RSPO3: variants seen among roughly 807,000 people sequenced by gnomAD.
The protein encoded by RSPO3 is R-spondin 3, also known as R-spondin-3.
Under a neutral mutation model 36.5 loss-of-function variants are expected in RSPO3, and 17 were observed. The ratio of observed to expected loss-of-function variants is 0.47; its 90% CI spans 0.32 to 0.70. RSPO3 has a LOEUF of 0.70. Ranked by LOEUF, RSPO3 falls within the 30% of genes least tolerant of loss-of-function variation. RSPO3 has a pLI of 0.04. For synonymous variants in RSPO3, 108 were observed against 107.0 expected (o/e 1.01, Z -0.06); for missense variants, 294 against 322.5 (o/e 0.91, Z 0.68).
At chr6:127,144,219 A>G (rs1012955538) in intron 1 of RSPO3, among the ~76,000 whole-genome samples, 3 of 152,158 alleles carry the variant, frequency 2.0e-5, no homozygotes, top group African/African-American at 7.2e-5. Context: ...TTCACTGTGT[A>G]TGTGACACAT....
At chr6:127,161,475 G>GT (rs1774709418) in intron 4 of RSPO3, among the ~76,000 whole-genome samples, 1 of 152,068 alleles carries the variant, frequency 6.6e-6, no homozygotes, top group South Asian at 2.1e-4. Context: ...TTCAGACCAA[G>GT]TTTGCTCCAT....
chr6:127,147,469 T>C (rs1433422182), intron 1 of RSPO3, among the ~76,000 whole-genome samples: 1 of 152,152 alleles, frequency 6.6e-6, no homozygotes, highest in Admixed American at 6.6e-5. Context: ...TGGTTTTTTT[T>C]TCTTCTGGCA....
intron 1 of RSPO3, among the ~76,000 whole-genome samples, chr6:127,120,644 T>G (rs1026657057): frequency 3.9e-5 from 6 of 152,336 alleles, no homozygotes; most frequent in African/African-American, 1.4e-4. Context: ...CCCCTGGGCA[T>G]GAGGGTCCCC....
In RSPO3 at chr6:127,166,575, G is replaced by A. The variant is rs370071976; in HGVS notation, c.634+11137G>A. ...CTACATTACAAAGTTGTAGTGAGGAGTTATGAGTATGTATAAAACTTTCAG... is the reference window on the plus strand; with the variant it reads ...CTACATTACAAAGTTGTAGTGAGGAATTATGAGTATGTATAAAACTTTCAG... On this transcript the variant is annotated intron_variant, in intron 4 of 4. Transcript: ENST00000356698. 1.3e-4 allele frequency among the ~76,000 whole-genome samples: 20 copies of A among 152,106 alleles called. No individual in the cohort carries two copies. In the South Asian group the frequency reaches 3.9e-3, roughly 30 times the overall value.
intron 4 of RSPO3, among the ~76,000 whole-genome samples, chr6:127,168,099 A>C (rs564481616): frequency 6.6e-6 from 1 of 152,104 alleles, no homozygotes; most frequent in African/African-American, 2.4e-5. Flanking sequence ...ATGATGTATA[A>C]TCCTTTGGGT....
intron 4 of RSPO3, among the ~76,000 whole-genome samples, chr6:127,176,815 T>A (rs1470360859): frequency 6.6e-6 from 1 of 151,812 alleles, no homozygotes; most frequent in Non-Finnish European, 1.5e-5. Flanking sequence ...TGTTGCAAAA[T>A]ATTGAGGAAA....
intron 3 of RSPO3, among the ~76,000 whole-genome samples, chr6:127,155,038 T>G (rs1373350884): frequency 6.6e-6 from 1 of 152,200 alleles, no homozygotes; most frequent in Non-Finnish European, 1.5e-5. Flanking sequence ...TGAGTTTACC[T>G]GATAATGAGT....
intron 4 of RSPO3, among the ~76,000 whole-genome samples, chr6:127,184,887 G>A (rs1213815812): frequency 6.6e-6 from 1 of 151,696 alleles, no homozygotes; most frequent in Non-Finnish European, 1.5e-5. Context: ...CATCAGTGGT[G>A]GAAAGGGACC....
chr6:127,155,165 G>A (rs1774567479), intron 3 of RSPO3, 76 bp from the exon 4 acceptor site: 1 of 1,450,520 alleles, frequency 6.9e-7, no homozygotes, highest in Non-Finnish European at 9.6e-7. Flanking sequence ...TCTGATGGAA[G>A]CAAATCTTTT....
intron 4 of RSPO3, among the ~76,000 whole-genome samples, chr6:127,175,854 T>C (rs1355824414): frequency 6.6e-6 from 1 of 151,802 alleles, no homozygotes; most frequent in East Asian, 1.9e-4. Flanking sequence ...CCAAATTTTC[T>C]AATACCAGTA....
intron 2 of RSPO3, 124 bp downstream of exon 2, chr6:127,148,963 G>C: frequency 1.3e-6 from 1 of 786,668 alleles, no homozygotes. Flanking sequence ...TGATAATTAG[G>C]CTAAACCATA....
At chr6:127,121,821 CAT>C (rs1206136116) in intron 1 of RSPO3, among the ~76,000 whole-genome samples, 5 of 152,168 alleles carry the variant, frequency 3.3e-5, no homozygotes, top group South Asian at 2.1e-4. Flanking sequence ...AAAATGAAAA[CAT>C]GTGGTCAAAC....
chr6:127,177,440 C>T (rs1367957731), intron 4 of RSPO3, among the ~76,000 whole-genome samples: 2 of 151,736 alleles, frequency 1.3e-5, no homozygotes, highest in African/African-American at 4.8e-5. Flanking sequence ...CATGTTTGAC[C>T]CTGAGACAGC....
At position 127,196,874 on chromosome 6, in the gene RSPO3, T is replaced by C. The variant is rs573557038; in HGVS notation, c.*867T>C. The C allele has an allele frequency of 6.5e-6, 1 of 152,916 alleles. No individual in the cohort carries two copies. The highest frequency in any genetic ancestry group is 2.4e-5 in the African/African-American group (1 of 41,556). The allele number at this position is 152,916 out of a possible 1,614,324, so 9.5% of individuals were successfully genotyped here. A position where few individuals can be genotyped will look rare whatever the true frequency, so the allele number is the denominator to read the frequency against. On this transcript the variant is annotated 3_prime_UTR_variant, in exon 5 of 5. Transcript: ENST00000356698. ...GAAAAAAAATAGAGCAAGGAGAATA[T>C]AACATGTTTGCAAAGTCATGTGTTT...
At position 127,160,428 on chromosome 6, in the gene RSPO3, G is replaced by C. The variant is rs144526620; in HGVS notation, c.634+4990G>C. Among the ~76,000 whole-genome samples the C allele has an allele frequency of 6.5e-3, 992 of 152,250 alleles. 7 individuals carry two copies. The highest frequency in any genetic ancestry group is 0.01 in the Admixed American group (156 of 15,284). On this transcript the variant is annotated intron_variant, in intron 4 of 4. Transcript: ENST00000356698. The stretch of plus-strand genomic sequence containing the variant: ...GGCTTAGCCCAGAAAAGAATTCAAG[G>C]GTAAGCCAGTGGTGTTCAACAGCAA...
intron 4 of RSPO3, among the ~76,000 whole-genome samples, chr6:127,164,543 T>C (rs1387604366): frequency 2.0e-5 from 3 of 152,086 alleles, no homozygotes; most frequent in African/African-American, 7.2e-5. Context: ...AGAAACTTTT[T>C]TTTTGGGAGT....
At chr6:127,158,566 C>G (rs921528032) in intron 4 of RSPO3, among the ~76,000 whole-genome samples, 1 of 152,040 alleles carries the variant, frequency 6.6e-6, no homozygotes, top group Non-Finnish European at 1.5e-5. Flanking sequence ...AATGACTTTT[C>G]AAAATGTACA....
chr6:127,134,370 G>A (rs1315049757), intron 1 of RSPO3, among the ~76,000 whole-genome samples: 1 of 152,158 alleles, frequency 6.6e-6, no homozygotes, highest in Non-Finnish European at 1.5e-5. Context: ...AATTTCTATA[G>A]CTGAACTTTC....
intron 4 of RSPO3, among the ~76,000 whole-genome samples, chr6:127,185,828 A>T (rs1775283320): frequency 6.6e-6 from 1 of 152,112 alleles, no homozygotes; most frequent in African/African-American, 2.4e-5. Context: ...TTTCTTGTAT[A>T]ATCAATCACA....
Sources: allele counts gnomAD v4.1 joint callset (sites outside exome capture counted in the v4.1 genomes callset), GRCh38; gene constraint gnomAD v4.1.1; transcripts MANE v1.5; gene names NCBI Gene and HGNC (gene_info 2026-07-23, HGNC 2026-07-21).